C12orf42: variants seen among roughly 807,000 people sequenced by gnomAD.
C12orf42 encodes the protein uncharacterized protein C12orf42.
C12orf42 carries 25 observed loss-of-function variants against 21.6 expected under a neutral mutation model. That is an observed-to-expected ratio of 1.16 (90% CI 0.84 to 1.62). C12orf42 has a LOEUF of 1.62. Among genes scored for constraint, C12orf42 ranks in the 40% most tolerant of loss-of-function variants. The pLI, the probability that C12orf42 is intolerant of heterozygous loss-of-function variation, is 0.00. For missense variants in C12orf42, 483 were observed against 459.3 expected (o/e 1.05, Z -0.47); for synonymous variants, 174 against 175.0 (o/e 0.99, Z 0.05).
At chr12:103,302,893 C>T (rs1277500837) in intron 5 of C12orf42, among the ~76,000 whole-genome samples, 1 of 151,916 alleles carries the variant, frequency 6.6e-6, no homozygotes, top group African/African-American at 2.4e-5. Context: ...GAATCGGTGG[C>T]TAAAATAGGG....
intron 4 of C12orf42, among the ~76,000 whole-genome samples, chr12:103,289,494 T>C (rs1016704827): frequency 6.6e-6 from 1 of 152,186 alleles, no homozygotes; most frequent in Non-Finnish European, 1.5e-5. Flanking sequence ...ATAACAATTA[T>C]ACATAAAATA....
intron 5 of C12orf42, 31 bp from the exon 6 acceptor site, chr12:103,302,590 G>A (rs1329598090): frequency 6.4e-7 from 1 of 1,570,310 alleles, no homozygotes; most frequent in Admixed American, 1.8e-5. Context: ...GCAGGACAGA[G>A]ATGAGGCTCA....
At chr12:103,055,610 C>G in the C12orf42 span, among the ~76,000 whole-genome samples, 1 of 151,828 alleles carries the variant, frequency 6.6e-6, no homozygotes, top group African/African-American at 2.4e-5. Context: ...GCTTATCTTG[C>G]TCTTCTTTCT....
At chr12:103,317,018 A>G (rs2039573714) in intron 4 of C12orf42, among the ~76,000 whole-genome samples, 1 of 152,070 alleles carries the variant, frequency 6.6e-6, no homozygotes, top group African/African-American at 2.4e-5. Context: ...AGCTCTAGTC[A>G]CCACAGTGGC....
At chr12:103,412,112 G>C (rs966211624) in intron 2 of C12orf42, among the ~76,000 whole-genome samples, 2 of 152,070 alleles carry the variant, frequency 1.3e-5, no homozygotes, top group Admixed American at 6.5e-5. Flanking sequence ...TGATAACCCA[G>C]GATAAAGCAC....
At chr12:103,477,502 T>C (rs1954148630) in intron 2 of C12orf42, among the ~76,000 whole-genome samples, 1 of 151,990 alleles carries the variant, frequency 6.6e-6, no homozygotes, top group Admixed American at 6.6e-5. Context: ...AAAAGGAACG[T>C]TGCAAATGTG....
At chr12:103,420,000 G>T (rs1227710200) in intron 2 of C12orf42, among the ~76,000 whole-genome samples, 2 of 152,024 alleles carry the variant, frequency 1.3e-5, no homozygotes, top group African/African-American at 4.8e-5. Flanking sequence ...ATTATTGGCT[G>T]TTATATTAAC....
At chr12:103,103,681 A>C in the C12orf42 span, among the ~76,000 whole-genome samples, 2 of 152,244 alleles carry the variant, frequency 1.3e-5, no homozygotes, top group Non-Finnish European at 2.9e-5. Flanking sequence ...ACTGCATACA[A>C]ACATAAGTTC....
At chr12:103,216,146 G>A in the C12orf42 span, among the ~76,000 whole-genome samples, 1 of 152,120 alleles carries the variant, frequency 6.6e-6, no homozygotes, top group African/African-American at 2.4e-5. Context: ...TTTTCTCTCT[G>A]TCTTTCCTTC....
Position 103,294,639 on chromosome 12 carries a change from G to GAAA in C12orf42, n.338-17430_338-17429insTTT, listed in dbSNP as rs1566026190. On this transcript the variant is annotated intron_variant and non_coding_transcript_variant, in intron 4 of 6. Transcript: ENST00000546526. Reference sequence around the variant, plus strand: ...AAGAAAGAAAGAAAGAAAGAAAGAAGGAAAAGAAAGAGAAAGAAAGAAAGA... The same window carrying GAAA: ...AAGAAAGAAAGAAAGAAAGAAAGAAGAAAGAAAAGAAAGAGAAAGAAAGAAAGA... Among the ~76,000 whole-genome samples, 449 of 119,102 alleles carry GAAA rather than the reference G, an allele frequency of 3.8e-3. 8 individuals carry two copies. Among genetic ancestry groups the GAAA allele is most frequent in the African/African-American group, 9.8e-3 (313 of 31,896 alleles). 78.1% of individuals were successfully genotyped at this position (119,102 alleles called of 152,430 possible). A position where few individuals can be genotyped will look rare whatever the true frequency, so the allele number is the denominator to read the frequency against.
At chr12:103,072,631 G>A in the C12orf42 span, among the ~76,000 whole-genome samples, 1 of 151,960 alleles carries the variant, frequency 6.6e-6, no homozygotes, top group Non-Finnish European at 1.5e-5. Flanking sequence ...CCCAGTAATG[G>A]TATTGCTGGG....
intron 2 of C12orf42, among the ~76,000 whole-genome samples, chr12:103,432,791 G>A (rs1026455101): frequency 8.5e-5 from 13 of 152,202 alleles, no homozygotes; most frequent in African/African-American, 2.4e-5. Flanking sequence ...ACAGAGGGAT[G>A]ACCATGTGAG....
the C12orf42 span, among the ~76,000 whole-genome samples, chr12:103,118,474 T>C: frequency 5.9e-5 from 9 of 152,148 alleles, no homozygotes; most frequent in African/African-American, 2.2e-4. Context: ...ATGGAAGTAT[T>C]ATATCTCTTT....
intron 2 of C12orf42, among the ~76,000 whole-genome samples, chr12:103,472,312 C>A (rs1234717264): frequency 1.3e-5 from 2 of 152,034 alleles, no homozygotes; most frequent in Non-Finnish European, 2.9e-5. Flanking sequence ...CCTCGGCCTC[C>A]CAAAGTGCTG....
chr12:103,355,217 A>G (rs1216639400), intron 4 of C12orf42, among the ~76,000 whole-genome samples: 1 of 152,126 alleles, frequency 6.6e-6, no homozygotes, highest in Non-Finnish European at 1.5e-5. Context: ...GCAAGTTGTC[A>G]GTAAGTGTTG....
the C12orf42 span, among the ~76,000 whole-genome samples, chr12:103,553,844 C>G: frequency 6.6e-6 from 1 of 152,134 alleles, no homozygotes; most frequent in Admixed American, 6.6e-5. Flanking sequence ...TTCCCAAGAT[C>G]CCCCAGCTGG....
the C12orf42 span, among the ~76,000 whole-genome samples, chr12:103,166,979 A>G: frequency 1.1e-4 from 16 of 152,186 alleles, no homozygotes; most frequent in Admixed American, 7.2e-4. Flanking sequence ...CAACATTTTG[A>G]TATTTCTAGT....
chr12:103,256,690 T>C (rs1310852666), intron 10 of C12orf42, among the ~76,000 whole-genome samples: 2 of 152,112 alleles, frequency 1.3e-5, no homozygotes, highest in East Asian at 3.9e-4. Flanking sequence ...AAAACTGAAA[T>C]GGGTTCCTTT....
At chr12:103,230,689 T>C in the C12orf42 span, among the ~76,000 whole-genome samples, 1 of 152,186 alleles carries the variant, frequency 6.6e-6, no homozygotes, top group Admixed American at 6.5e-5. Context: ...ATTATTGAAG[T>C]TTTCCTTCTC....
Sources: allele counts gnomAD v4.1 joint callset (sites outside exome capture counted in the v4.1 genomes callset), GRCh38; gene constraint gnomAD v4.1.1; transcripts MANE v1.5; gene names NCBI Gene and HGNC (gene_info 2026-07-23, HGNC 2026-07-21).